The following LRP5 variants were observed in gnomAD, a reference collection of about 807,000 sequenced individuals.
The protein encoded by LRP5 is low-density lipoprotein receptor-related protein 5.
LRP5 carries 62 observed loss-of-function variants against 154.1 expected under a neutral mutation model. The ratio of observed to expected loss-of-function variants is 0.40; its 90% CI spans 0.33 to 0.50. The LOEUF (loss-of-function observed/expected upper bound fraction) is 0.50, where lower values mean the gene tolerates loss of function less well. Among genes scored for constraint, LRP5 ranks in the 20% least tolerant of loss-of-function variants. The pLI, the probability that LRP5 is intolerant of heterozygous loss-of-function variation, is 0.55. For synonymous variants in LRP5, 966 were observed against 1,011.5 expected (o/e 0.96, Z 0.85); for missense variants, 1,915 against 2,336.7 (o/e 0.82, Z 3.72).
At chr11:68,393,705 C>T (rs1258942351) in intron 7 of LRP5, among the ~76,000 whole-genome samples, 2 of 152,116 alleles carry the variant, frequency 1.3e-5, no homozygotes, top group African/African-American at 4.8e-5. Context: ...CACTTGAACC[C>T]GGGAGGCAGA....
intron 5 of LRP5, among the ~76,000 whole-genome samples, chr11:68,384,117 G>T (rs1447932614): frequency 6.6e-6 from 1 of 152,104 alleles, no homozygotes; most frequent in Admixed American, 6.5e-5. Context: ...TCACGTGGGC[G>T]CCCTCTAGTG....
chr11:68,377,147 T>C (rs1276536949), intron 5 of LRP5, among the ~76,000 whole-genome samples: 1 of 151,658 alleles, frequency 6.6e-6, no homozygotes, highest in Non-Finnish European at 1.5e-5. Context: ...GGGCCTGAGG[T>C]TGTGGTGGGG....
At chr11:68,317,628 A>T (rs2098594219) in intron 1 of LRP5, among the ~76,000 whole-genome samples, 1 of 152,158 alleles carries the variant, frequency 6.6e-6, no homozygotes, top group South Asian at 2.1e-4. Flanking sequence ...GCTCTTAGGC[A>T]TGTGGGTGGC....
rs147333667 is a variant in LRP5 at position 68,442,027 on chromosome 11, C to G, written c.4488+2111C>G. Among the ~76,000 whole-genome samples the G allele has an allele frequency of 1.1e-3, 160 of 152,352 alleles. 1 individual carries two copies. The East Asian group carries it at 0.029, about 28-fold the overall frequency. On this transcript the variant is annotated intron_variant, in intron 21 of 22. Transcript: ENST00000294304. ...AAGCAGGACTCCCTGGGAGGCATGG[C>G]CTCCTGCAGTGTGTTTCTTCTATGT...
chr11:68,316,684 G>A (rs913068140), intron 1 of LRP5, among the ~76,000 whole-genome samples: 1 of 152,218 alleles, frequency 6.6e-6, no homozygotes, highest in Admixed American at 6.5e-5. Context: ...TCTCCCAGCC[G>A]GCACGAGCAG....
chr11:68,449,214 C>A lies in LRP5; in HGVS notation c.*144C>A. The A allele has an allele frequency of 4.5e-5, 20 of 443,122 alleles. No individual in the cohort carries two copies. Among genetic ancestry groups the A allele is most frequent in the East Asian group, 1.2e-4 (3 of 24,548 alleles). 27.4% of individuals were successfully genotyped at this position (443,122 alleles called of 1,614,324 possible). ...GAAATGTGAACTGTGATGGGGTGGGCAGGGCTGGGAGAACTTTGTACAGTG... is the reference window on the plus strand; with the variant it reads ...GAAATGTGAACTGTGATGGGGTGGGAAGGGCTGGGAGAACTTTGTACAGTG... On this transcript the variant is annotated 3_prime_UTR_variant, in exon 23 of 23. Coordinates refer to ENST00000294304, the MANE Select transcript of LRP5 (RefSeq NM_002335.4).
At chr11:68,443,990 C>T (rs551266867) in intron 21 of LRP5, among the ~76,000 whole-genome samples, 16 of 152,108 alleles carry the variant, frequency 1.1e-4, no homozygotes, top group Admixed American at 6.5e-4. Context: ...CTCCTCCTTT[C>T]GTTTTACGTT....
At chr11:68,312,092 T>G (rs2153109899), upstream of LRP5, among the ~76,000 whole-genome samples, 1 of 152,326 alleles carries the variant, frequency 6.6e-6, no homozygotes, top group South Asian at 2.1e-4. Context: ...AATTCATAAC[T>G]AAGGTAGAGG....
At chr11:68,380,981 T>C (rs1359875105) in intron 5 of LRP5, among the ~76,000 whole-genome samples, 7 of 152,202 alleles carry the variant, frequency 4.6e-5, no homozygotes, top group Non-Finnish European at 1.0e-4. Context: ...AACAGGGTCT[T>C]GGCAGATGTA....
chr11:68,364,500 G>A (rs1250408787), intron 4 of LRP5, among the ~76,000 whole-genome samples: 1 of 151,964 alleles, frequency 6.6e-6, no homozygotes, highest in Admixed American at 6.6e-5. Flanking sequence ...GGGGTCACAG[G>A]TATGAGCCAC....
chr11:68,337,764 T>C (rs1244390809), intron 1 of LRP5, among the ~76,000 whole-genome samples: 1 of 148,590 alleles, frequency 6.7e-6, no homozygotes, highest in East Asian at 2.0e-4. Flanking sequence ...CAGATCTTCC[T>C]CCTCCAAGAA....
intron 21 of LRP5, among the ~76,000 whole-genome samples, chr11:68,443,579 ATATATATT>A (rs1339815066): frequency 9.8e-3 from 392 of 39,818 alleles, no homozygotes; most frequent in Middle Eastern, 0.025. Flanking sequence ...ATATATATAT[ATATATATT>A]TTTTTTTTTT....
At chr11:68,305,349 C>T in the LRP5 span, among the ~76,000 whole-genome samples, 1 of 151,974 alleles carries the variant, frequency 6.6e-6, no homozygotes, top group South Asian at 2.1e-4. Context: ...TTCCCAGCAA[C>T]CAAGCAGATG....
chr11:68,449,151 T>G lies in LRP5; in HGVS notation c.*81T>G. ...ACAAAGAAAAAAATATATTTTATGA[T>G]TTAAAAAATAAATATAATTGGGATT... On this transcript the variant is annotated 3_prime_UTR_variant, in exon 23 of 23. Transcript: ENST00000294304. 8.2e-7 allele frequency: 1 copy of G among 1,223,656 alleles called. No homozygotes were observed. Among genetic ancestry groups the G allele is most frequent in the Non-Finnish European group, 1.1e-6 (1 of 922,980 alleles). The allele number at this position is 1,223,656 out of a possible 1,614,324, so 75.8% of individuals were successfully genotyped here. A position where few individuals can be genotyped will look rare whatever the true frequency, so the allele number is the denominator to read the frequency against.
intron 5 of LRP5, among the ~76,000 whole-genome samples, chr11:68,368,279 G>A (rs1330391276): frequency 6.6e-6 from 1 of 152,224 alleles, no homozygotes; most frequent in Non-Finnish European, 1.5e-5. Flanking sequence ...CCTGGATCGG[G>A]TACGGAACAC....
intron 21 of LRP5, among the ~76,000 whole-genome samples, chr11:68,443,567 ATATATATATATATATATATTTTTTTT>A (rs1230608504): frequency 5.4e-5 from 2 of 37,054 alleles, no homozygotes; most frequent in East Asian, 1.5e-3. Flanking sequence ...ATATATATAT[ATATATATATATATATATATTTTTTTT>A]TTTTTTGGTT....
In LRP5 at chr11:68,430,237, G is replaced by A. The variant is rs550846128; in HGVS notation, c.3763+537G>A. On this transcript the variant is annotated intron_variant, in intron 17 of 22. Transcript: ENST00000294304. ...CACTCAGGCTGGAGTGCAATGGCGC[G>A]ATCTCAGCTCACCGCAACCTCTGCC... is the stretch of plus-strand genomic sequence containing the variant. Among the ~76,000 whole-genome samples, 8 of 152,266 alleles carry A rather than the reference G, an allele frequency of 5.3e-5. No homozygotes were observed. The South Asian group carries it at 8.3e-4, about 16-fold the overall frequency.
chr11:68,351,426 C>T (rs780093965), intron 2 of LRP5, among the ~76,000 whole-genome samples: 3 of 152,112 alleles, frequency 2.0e-5, no homozygotes, highest in African/African-American at 4.8e-5. Flanking sequence ...TTGGAAGGGT[C>T]GGCTGGTGTA....
intron 2 of LRP5, among the ~76,000 whole-genome samples, chr11:68,351,399 G>A (rs1261411140): frequency 6.6e-6 from 1 of 152,176 alleles, no homozygotes; most frequent in Non-Finnish European, 1.5e-5. Context: ...GGAGTCGCGG[G>A]GTTACTGACC....
Sources: gnomAD v4.1 joint callset for allele counts (sites outside exome capture counted in the v4.1 genomes callset) on GRCh38, gnomAD v4.1.1 for gene constraint, MANE v1.5 for transcripts, NCBI Gene and HGNC (gene_info 2026-07-23, HGNC 2026-07-21) for gene names.